Variants in DIP2A observed in about 807,000 individuals in gnomAD.
DIP2A encodes the protein DIP2 acetate--CoA ligase A.
DIP2A carries 85 observed loss-of-function variants against 177.4 expected under a neutral mutation model. That is an observed-to-expected ratio of 0.48 (90% CI 0.40 to 0.57). The LOEUF (loss-of-function observed/expected upper bound fraction) is 0.57. Among genes scored for constraint, DIP2A ranks in the 20% least tolerant of loss-of-function variants. The probability of loss-of-function intolerance (pLI) is 0.00; values close to 1 mark genes in which losing one functional copy is unlikely to be tolerated. For synonymous variants in DIP2A, 886 were observed against 881.8 expected (o/e 1.00, Z -0.08); for missense variants, 1,791 against 2,100.2 (o/e 0.85, Z 2.88).
intron 3 of DIP2A, 132 bp downstream of exon 3, chr21:46,490,851 T>G (rs1322169006): frequency 1.7e-6 from 2 of 1,151,178 alleles, no homozygotes; most frequent in African/African-American, 1.6e-5. Flanking sequence ...TAAGCAGTAA[T>G]GTACATCATC....
intron 4 of DIP2A, 23 bp downstream of exon 4, chr21:46,497,130 GTGGCT>G: frequency 6.7e-7 from 1 of 1,500,930 alleles, no homozygotes; most frequent in Non-Finnish European, 8.8e-7. Flanking sequence ...AATGTCAAGT[GTGGCT>G]TTTTTTTGAG....
At chr21:46,511,669 A>G (rs2058320843) in intron 8 of DIP2A, 55 bp downstream of exon 8, 2 of 1,451,938 alleles carry the variant, frequency 1.4e-6, no homozygotes, top group Admixed American at 5.2e-5. Context: ...AATGTCACAC[A>G]CATAACACAG....
At chr21:46,461,271 C>CAAGAAAAAAAAAAAA (rs2054279417) in intron 1 of DIP2A, among the ~76,000 whole-genome samples, 1 of 49,312 alleles carries the variant, frequency 2.0e-5, no homozygotes, top group Admixed American at 3.2e-4. Flanking sequence ...CTCTTCTCAC[C>CAAGAAAAAAAAAAAA]AAAAAAAAAA....
In DIP2A at chr21:46,534,009, C is replaced by A; in HGVS notation, c.1435C>A (p.Pro479Thr). ...GTCCTGTCTGTGTGTCACAGGTTGG[C>A]CCCCGCTCTCCTGGCTAGTGATTGA... ...TGEVAAFKGW[P>T]PLSWLVIDGK... The change falls in exon 12 of 38, where the codon CCC becomes ACC. Residue 479 changes from proline (P) to threonine (T), a missense_variant. By Grantham distance (38) the Pro-to-Thr change is conservative. Coordinates refer to ENST00000417564, the MANE Select transcript of DIP2A (RefSeq NM_015151.4). 6.2e-7 allele frequency: 1 copy of A among 1,612,670 alleles called. No individual in the cohort carries two copies. The highest frequency in any genetic ancestry group is 8.5e-7 in the Non-Finnish European group (1 of 1,179,322).
rs1487026805 is a variant in DIP2A, at chr21:46,566,555, C to G, written c.4340-5C>G. The G allele has an allele frequency of 7.4e-6, 12 of 1,614,018 alleles. No homozygotes were observed. The highest frequency in any genetic ancestry group is 1.0e-5 in the Non-Finnish European group (12 of 1,179,912). ...TGGGCACGTGTAAACACACACTGTT[C>G]ACAGGGCGGCACGATGCACTGTATG... On this transcript the variant is annotated splice_region_variant and splice_polypyrimidine_tract_variant and intron_variant, in intron 36 of 37. Coordinates refer to ENST00000417564, the MANE Select transcript of DIP2A (RefSeq NM_015151.4).
At chr21:46,573,779 A>G (rs1198171451), downstream of DIP2A, among the ~76,000 whole-genome samples, 1 of 152,006 alleles carries the variant, frequency 6.6e-6, no homozygotes, top group African/African-American at 2.4e-5. Context: ...GGACATTAAT[A>G]AAAGATTCAA....
intron 22 of DIP2A, 90 bp downstream of exon 22, chr21:46,549,975 G>A (rs946940098): frequency 5.7e-5 from 90 of 1,575,866 alleles, no homozygotes; most frequent in Admixed American, 1.4e-4. Flanking sequence ...GGCTTGTCCC[G>A]CCCGGTCCTC....
At chr21:46,511,740 A>G (rs1029231) in intron 8 of DIP2A, 126 bp downstream of exon 8, 260,760 of 1,021,948 alleles carry the variant, frequency 0.26, 34,607 homozygotes, top group East Asian at 0.44. Context: ...GATAAATAGA[A>G]CATTGACCTA....
chr21:46,539,154 G>A (rs2059699449), intron 16 of DIP2A: 2 of 166,530 alleles, frequency 1.2e-5, no homozygotes, highest in South Asian at 3.2e-4. Flanking sequence ...GGACTGTCCA[G>A]GGTCTGACTC....
chr21:46,462,715 GGAA>G (rs1213884451), intron 1 of DIP2A: 1 of 152,296 alleles, frequency 6.6e-6, no homozygotes. Context: ...TTGGTAGGTT[GGAA>G]GAAGAAGCTT....
Position 46,556,544 on chromosome 21 carries a change from A to G in DIP2A, c.3499-395A>G. On this transcript the variant is annotated intron_variant, in intron 29 of 37. Coordinates refer to ENST00000417564, the MANE Select transcript of DIP2A (RefSeq NM_015151.4). This position sits in a 1 kb window ranked among gnomAD's most constrained non-coding sequence, Gnocchi z 4.5. Reference sequence around the variant, plus strand: ...TAAAAATACAAAAAATTAGCTGGGCATGGTGGCAGGTGCCTCTAATCCCAG... The same window carrying G: ...TAAAAATACAAAAAATTAGCTGGGCGTGGTGGCAGGTGCCTCTAATCCCAG... 2.4e-6 allele frequency: 1 copy of G among 425,522 alleles called. No individual in the cohort carries two copies. The highest frequency in any genetic ancestry group is 3.5e-5 in the Admixed American group (1 of 28,216). 26.4% of individuals were successfully genotyped at this position (425,522 alleles called of 1,614,324 possible).
At chr21:46,530,330 A>AT (rs2059302857) in intron 9 of DIP2A, among the ~76,000 whole-genome samples, 1 of 152,224 alleles carries the variant, frequency 6.6e-6, no homozygotes, top group Admixed American at 6.5e-5. Flanking sequence ...AATATGAACT[A>AT]TTAGCCAAGG....
intron 17 of DIP2A, 23 bp downstream of exon 17, chr21:46,540,014 C>T (rs755024607): frequency 1.3e-6 from 2 of 1,569,214 alleles, no homozygotes; most frequent in Non-Finnish European, 1.8e-6. Context: ...CTTGCTATGT[C>T]TCATGAGCAC....
intron 1 of DIP2A, among the ~76,000 whole-genome samples, chr21:46,480,549 G>C (rs943418658): frequency 6.6e-6 from 1 of 152,168 alleles, no homozygotes; most frequent in African/African-American, 2.4e-5. Context: ...AGTCGTGGCA[G>C]CTGTGGGCTT....
At chr21:46,562,156 T>C (rs1384300684) in intron 34 of DIP2A, among the ~76,000 whole-genome samples, 3 of 152,166 alleles carry the variant, frequency 2.0e-5, no homozygotes, top group Non-Finnish European at 4.4e-5. Context: ...GGAGTGGCCC[T>C]GGCCCTAAGT....
intron 37 of DIP2A, 35 bp downstream of exon 37, chr21:46,566,718 C>G: frequency 6.2e-7 from 1 of 1,612,850 alleles, no homozygotes; most frequent in Non-Finnish European, 8.5e-7. Context: ...TTCACGTGGT[C>G]CCTCCAGCCC....
chr21:46,564,263 CGTG>C (rs1047616311), intron 35 of DIP2A, among the ~76,000 whole-genome samples: 6 of 152,208 alleles, frequency 3.9e-5, no homozygotes, highest in African/African-American at 1.4e-4. Flanking sequence ...GCTACGTAAA[CGTG>C]GTCCCTGGCA....
the DIP2A span, among the ~76,000 whole-genome samples, chr21:46,578,720 G>A: frequency 4.6e-5 from 7 of 152,158 alleles, no homozygotes; most frequent in African/African-American, 1.2e-4. Flanking sequence ...TAATCATGTG[G>A]TTTTCATCTT....
Position 46,537,432 on chromosome 21 carries a change from G to T in DIP2A, c.1708-14G>T. On this transcript the variant is annotated splice_polypyrimidine_tract_variant and intron_variant, in intron 14 of 37. Transcript: ENST00000417564. The surrounding 1 kb of genome is among the most constrained non-coding windows in gnomAD (Gnocchi z 4.1). ...TCGGGCCCACTCGCCCTAAGCATGT[G>T]TGCTCCCCCACAGAGCGTCATGAAC... The T allele has an allele frequency of 6.2e-7, 1 of 1,613,968 alleles. No homozygotes were observed. Among genetic ancestry groups the T allele is most frequent in the South Asian group, 1.1e-5 (1 of 91,036 alleles).
Sources: gnomAD v4.1 joint callset for allele counts (sites outside exome capture counted in the v4.1 genomes callset) on GRCh38, gnomAD v4.1.1 for gene constraint, Gnocchi (gnomAD v3.1) non-coding constraint, MANE v1.5 for transcripts, NCBI Gene and HGNC (gene_info 2026-07-23, HGNC 2026-07-21) for gene names.